Variants in LRSAM1 observed in about 807,000 individuals in gnomAD.
The protein encoded by LRSAM1 is E3 ubiquitin-protein ligase LRSAM1.
LRSAM1 carries 96 observed loss-of-function variants against 118.1 expected under a neutral mutation model. The observed-to-expected ratio is 0.81, with a 90% CI of 0.69 to 0.96. The LOEUF (loss-of-function observed/expected upper bound fraction) is 0.96, where lower values mean the gene tolerates loss of function less well. LRSAM1 is among the 40% of genes least tolerant of loss of function. LRSAM1 has a pLI of 0.00. For missense variants in LRSAM1, 804 were observed against 915.5 expected, an observed-to-expected ratio of 0.88 and a Z score of 1.57; for synonymous variants, 322 against 364.2, an observed-to-expected ratio of 0.88 and a Z score of 1.32.
At chr9:127,490,293 C>T (rs1339217894) in intron 19 of LRSAM1, among the ~76,000 whole-genome samples, 1 of 150,686 alleles carries the variant, frequency 6.6e-6, no homozygotes, top group Non-Finnish European at 1.5e-5. Context: ...GACCAATTTA[C>T]CTTTTTAATT....
rs146344542 is a variant in LRSAM1 at position 127,473,006 on chromosome 9, AC to A, written c.620-793del. On this transcript the variant is annotated intron_variant, in intron 10 of 25. Coordinates refer to ENST00000300417, the MANE Select transcript of LRSAM1 (RefSeq NM_001005373.4). ...CATCCCATGAGGAGTGGCTGGGAGGACCTCTCTCCCCCTTCACAACCTGCGT... is the reference window on the plus strand; with the variant it reads ...CATCCCATGAGGAGTGGCTGGGAGGACTCTCTCCCCCTTCACAACCTGCGT... Among the ~76,000 whole-genome samples the A allele has an allele frequency of 7.6e-3, 1,157 of 152,146 alleles. 12 individuals are homozygous for A. The highest frequency in any genetic ancestry group is 0.026 in the African/African-American group (1,061 of 41,498).
intron 25 of LRSAM1, among the ~76,000 whole-genome samples, chr9:127,502,371 T>C (rs1275192015): frequency 6.6e-6 from 1 of 152,056 alleles, no homozygotes; most frequent in African/African-American, 2.4e-5. Context: ...CTATCAGGCG[T>C]TTATGGTAAA....
intron 8 of LRSAM1, among the ~76,000 whole-genome samples, chr9:127,461,496 G>A (rs557104963): frequency 6.6e-6 from 1 of 152,318 alleles, no homozygotes; most frequent in Admixed American, 6.5e-5. Context: ...TGGGGAGGAG[G>A]GCAGCTGGGC....
At chr9:127,501,244 C>T in intron 25 of LRSAM1, 101 bp downstream of exon 25, 2 of 1,428,582 alleles carry the variant, frequency 1.4e-6, no homozygotes, top group Non-Finnish European at 1.9e-6. Flanking sequence ...CTCCAGTTCT[C>T]TAAGTAGACT....
chr9:127,473,946 C>T lies in LRSAM1; in HGVS notation c.750+15C>T, dbSNP rs200426609. The T allele has an allele frequency of 1.9e-6, 3 of 1,614,130 alleles. No homozygotes were observed. Among genetic ancestry groups the T allele is most frequent in the Non-Finnish European group, 2.5e-6 (3 of 1,179,976 alleles). ...TAGAGTGGCAGGTAAGACAAGGCAG[C>T]CTGCTGCACGCATACATGTGTGTGT... On this transcript the variant is annotated intron_variant, in intron 11 of 25. Transcript: ENST00000300417.
At chr9:127,489,335 A>T in intron 18 of LRSAM1, 109 bp from the exon 19 acceptor site, 1 of 1,283,120 alleles carries the variant, frequency 7.8e-7, no homozygotes, top group Non-Finnish European at 1.1e-6. Context: ...CTCAGAAAAA[A>T]CCCATCCATT....
In LRSAM1 at chr9:127,462,253, C is replaced by T. The variant is rs1267322789; in HGVS notation, c.408C>T (p.Asp136=). 1 of 1,614,020 alleles carries T rather than the reference C, an allele frequency of 6.2e-7. No individual in the cohort carries two copies. Among genetic ancestry groups the T allele is most frequent in the South Asian group, 1.1e-5 (1 of 91,086 alleles). The part of the protein sequence containing the change: ...LTQLQTLNVK[D]NKLKELPDTV... ...GCTGTGCTATTGGGGTCTCTGCAGA[C>T]AACAAGCTGAAGGAGCTTCCAGACA... is the stretch of plus-strand genomic sequence containing the variant. Residue 136 remains aspartate, a splice_region_variant and synonymous_variant, in exon 9 of 26, where the codon GAC becomes GAT. Transcript: ENST00000300417.
intron 9 of LRSAM1, among the ~76,000 whole-genome samples, chr9:127,462,583 A>G (rs1260206256): frequency 6.6e-6 from 1 of 152,188 alleles, no homozygotes; most frequent in Non-Finnish European, 1.5e-5. Flanking sequence ...AAAAACATAC[A>G]TTAAGAATGA....
At chr9:127,481,280 G>A in intron 15 of LRSAM1, 53 bp downstream of exon 15, 6 of 1,566,180 alleles carry the variant, frequency 3.8e-6, no homozygotes, top group Non-Finnish European at 5.2e-6. Context: ...TTGAGACGGA[G>A]TCCTGCACTG....
chr9:127,460,386 G>A (rs537511807), intron 7 of LRSAM1, among the ~76,000 whole-genome samples: 3 of 152,260 alleles, frequency 2.0e-5, no homozygotes, highest in Non-Finnish European at 2.9e-5. Context: ...GCACAGCTTC[G>A]GAATCCAACA....
intron 23 of LRSAM1, 111 bp from the exon 24 acceptor site, chr9:127,497,142 T>A (rs527664170): frequency 1.8e-6 from 2 of 1,102,874 alleles, no homozygotes; most frequent in Non-Finnish European, 2.7e-6. Flanking sequence ...CTTCCACATT[T>A]CCAGCAGGAG....
chr9:127,495,488 C>T (rs1836097516), intron 22 of LRSAM1, 70 bp downstream of exon 22: 1 of 1,242,882 alleles, frequency 8.0e-7, no homozygotes, highest in Non-Finnish European at 1.2e-6. Context: ...CCTGTGGTGC[C>T]TCCACCATGC....
chr9:127,487,967 A>G (rs931754729), intron 18 of LRSAM1, among the ~76,000 whole-genome samples: 1 of 152,052 alleles, frequency 6.6e-6, no homozygotes, highest in South Asian at 2.1e-4. Flanking sequence ...GGTCACTAAA[A>G]TCCACAGAAG....
At chr9:127,479,593 A>T in intron 13 of LRSAM1, 88 bp downstream of exon 13, 1 of 1,573,542 alleles carries the variant, frequency 6.4e-7, no homozygotes. Context: ...CGGATGTGGA[A>T]AGGCAGTGGG....
In LRSAM1 at chr9:127,467,734, C is replaced by G. The variant is rs754162095; in HGVS notation, c.529-6C>G. The G allele has an allele frequency of 3.7e-6, 6 of 1,608,842 alleles. 1 individual carries two copies. The Admixed American group carries it at 1.0e-4, about 27-fold the overall frequency. Reference sequence around the variant, plus strand: ...ACAGTAAAGCGGGTTACCCTTGTGTCTGCAGATGCTGAGCCTTGACGCCTC... The same window carrying G: ...ACAGTAAAGCGGGTTACCCTTGTGTGTGCAGATGCTGAGCCTTGACGCCTC... On this transcript the variant is annotated splice_polypyrimidine_tract_variant and splice_region_variant and intron_variant, in intron 9 of 25. Transcript: ENST00000300417.
intron 25 of LRSAM1, among the ~76,000 whole-genome samples, chr9:127,502,413 G>A (rs1289798844): frequency 6.6e-6 from 1 of 152,152 alleles, no homozygotes; most frequent in Non-Finnish European, 1.5e-5. Context: ...GGGCCGGCAT[G>A]GTGGCTCACG....
At chr9:127,473,737 G>A (rs2132047547) in intron 10 of LRSAM1, 64 bp from the exon 11 acceptor site, 7 of 1,611,576 alleles carry the variant, frequency 4.3e-6, no homozygotes, top group South Asian at 3.3e-5. Context: ...CAGTGGGAGC[G>A]GGTGTCTCTG....
In LRSAM1 at chr9:127,454,527, G is replaced by A; in HGVS notation, c.-1G>A. On this transcript the variant is annotated 5_prime_UTR_variant, in exon 3 of 26. Coordinates refer to ENST00000300417, the MANE Select transcript of LRSAM1 (RefSeq NM_001005373.4). ...AAAGATCGCTCTGGGAAAAGGGAAG[G>A]ATGCCGCTCTTCTTCCGGAAGCGGA... The A allele has an allele frequency of 6.2e-7, 1 of 1,614,206 alleles. No individual in the cohort carries two copies. The highest frequency in any genetic ancestry group is 8.5e-7 in the Non-Finnish European group (1 of 1,180,040).
intron 8 of LRSAM1, 74 bp downstream of exon 8, chr9:127,461,331 C>A: frequency 7.2e-7 from 1 of 1,397,654 alleles, no homozygotes; most frequent in Non-Finnish European, 1.0e-6. Flanking sequence ...CCACAGGCTG[C>A]CCCGCCCGGG....
Sources: allele counts gnomAD v4.1 joint callset (sites outside exome capture counted in the v4.1 genomes callset), GRCh38; gene constraint gnomAD v4.1.1; transcripts MANE v1.5; gene names NCBI Gene and HGNC (gene_info 2026-07-23, HGNC 2026-07-21).